SPAG8: variants seen among roughly 807,000 people sequenced by gnomAD.
SPAG8 encodes sperm-associated antigen 8.
Under a neutral mutation model 45.3 loss-of-function variants are expected in SPAG8, and 36 were observed. The observed-to-expected ratio is 0.80, with a 90% CI of 0.61 to 1.05. SPAG8 has a LOEUF of 1.05. Ranked by LOEUF, SPAG8 falls within the 50% of genes least tolerant of loss-of-function variation. The pLI is 0.00. For synonymous variants in SPAG8, 227 were observed against 232.6 expected (o/e 0.98, Z 0.22); for missense variants, 573 against 609.2 (o/e 0.94, Z 0.63).
downstream of SPAG8, chr9:35,808,296 T>C: frequency 6.2e-7 from 1 of 1,608,566 alleles, no homozygotes; most frequent in East Asian, 2.2e-5. The surrounding 1 kb of genome is among the most constrained non-coding windows in gnomAD (Gnocchi z 4.0). Context: ...TTACTGAGTA[T>C]TCACCAGGTG....
rs746230326 is a variant in SPAG8 at position 35,812,181 on chromosome 9, C to G, written c.-34G>C. The G allele has an allele frequency of 2.5e-6, 4 of 1,599,550 alleles. No individual in the cohort carries two copies. Among genetic ancestry groups the G allele is most frequent in the Non-Finnish European group, 3.4e-6 (4 of 1,179,004 alleles). ...TCCAGCTACTGGGTTGCCATAGAGACAGCAAACAACTCCTGGAGCCTGCGC... is the reference window on the plus strand; with the variant it reads ...TCCAGCTACTGGGTTGCCATAGAGAGAGCAAACAACTCCTGGAGCCTGCGC... On this transcript the variant is annotated 5_prime_UTR_variant, in exon 1 of 7. Transcript: ENST00000396638.
Position 35,811,573 on chromosome 9 carries a change from C to T in SPAG8, c.473G>A (p.Gly158Asp). Residue 158 changes from glycine to aspartate, a missense_variant, in exon 2 of 7, where the codon GGC (glycine) becomes GAC (aspartate). Physicochemically the swap from Gly to Asp is moderately conservative, Grantham distance 94 (BLOSUM62 -1). Coordinates refer to ENST00000396638, the MANE Select transcript of SPAG8 (RefSeq NM_001039592.2). ...GCCACAGCCAGGACCAGAGCCAGAG[C>T]CAGAGCCATGGCCAGCACCTGAGCT... Reference protein sequence around the residue: ...GSSSGAGHGSGSGSGPGCGSV... With the variant: ...GSSSGAGHGSDSGSGPGCGSV... 6.2e-7 allele frequency: 1 copy of T among 1,613,336 alleles called. No homozygotes were observed. Among genetic ancestry groups the T allele is most frequent in the Non-Finnish European group, 8.5e-7 (1 of 1,179,590 alleles).
At position 35,811,656 on chromosome 9, in the gene SPAG8, G is replaced by A; in HGVS notation, c.390C>T (p.Asp130=). 1 of 1,614,198 alleles carries A rather than the reference G, an allele frequency of 6.2e-7. No individual in the cohort carries two copies. The highest frequency in any genetic ancestry group is 1.3e-5 in the African/African-American group (1 of 75,034). ...CIAQDTCTTT[D]HSSNPGPVPG... The stretch of plus-strand genomic sequence containing the variant: ...GAACAGGGCCAGGATTAGAACTATG[G>A]TCAGTTGTAGTGCAAGTGTCCTGAG... The change falls in exon 2 of 7, where the codon GAC becomes GAT. Residue 130 remains aspartate, a synonymous_variant. Transcript: ENST00000396638.
At chr9:35,808,671 G>C, downstream of SPAG8, 1 of 1,614,062 alleles carries the variant, frequency 6.2e-7, no homozygotes, top group African/African-American at 1.3e-5. The surrounding 1 kb of genome is among the most constrained non-coding windows in gnomAD (Gnocchi z 4.0). Flanking sequence ...GCTACGCATA[G>C]GGGTCCATAC....
rs761228912 is a variant in SPAG8 at position 35,810,952 on chromosome 9, G to T, written c.970C>A (p.Pro324Thr). Residue 324 changes from proline to threonine, a missense_variant, in exon 3 of 7, where the codon CCC becomes ACC. Transcript: ENST00000396638. ...RGLLTMQLKS[P>T]MPSSTTQKDS... The stretch of plus-strand genomic sequence containing the variant: ...TTCTGGGTGGTGCTGGAGGGCATGG[G>T]TGACTTTAGTTGCATAGTCAGCAGT... 3.7e-6 allele frequency: 6 copies of T among 1,614,112 alleles called. No individual in the cohort carries two copies. The highest frequency in any genetic ancestry group is 1.7e-5 in the Admixed American group (1 of 60,010).
chr9:35,808,107 G>A (rs898316658), downstream of SPAG8: 33 of 1,185,024 alleles, frequency 2.8e-5, no homozygotes, highest in Non-Finnish European at 4.0e-5. This position sits in a 1 kb window ranked among gnomAD's most constrained non-coding sequence, Gnocchi z 4.0. Context: ...AAAATCAAAT[G>A]CCTGCTTTCC....
chr9:35,812,260 G>A lies in SPAG8; in HGVS notation c.-113C>T, dbSNP rs768213050. 1.6e-6 allele frequency: 2 copies of A among 1,226,440 alleles called. No homozygotes were observed. Among genetic ancestry groups the A allele is most frequent in the Non-Finnish European group, 1.1e-6 (1 of 871,216 alleles). 76.0% of individuals were successfully genotyped at this position (1,226,440 alleles called of 1,614,324 possible). On this transcript the variant is annotated 5_prime_UTR_variant, in exon 1 of 7. Transcript: ENST00000396638. The stretch of plus-strand genomic sequence containing the variant: ...GGCGGTGGAGGCAAGTCCTCTGCGG[G>A]GCGGAAGTCTTCAGCCTAGTGCTGT...
chr9:35,810,125 C>T lies in SPAG8; in HGVS notation c.1271G>A (p.Ser424Asn), dbSNP rs771767856. ...IQRAPQLPGV[S>N]NIRTLDTPFR... is the part of the protein sequence containing the mutation. Reference sequence around the variant, plus strand: ...TGGTGTGTCCAATGTCCTGATGTTACTGACACCCTGGAGGAGTGCCAGGAT... The same window carrying T: ...TGGTGTGTCCAATGTCCTGATGTTATTGACACCCTGGAGGAGTGCCAGGAT... The change falls in exon 7 of 7, where the codon AGT becomes AAT. Residue 424 changes from serine to asparagine, a missense_variant. Ser to Asn is a conservative substitution (Grantham distance 46, BLOSUM62 1). Coordinates refer to ENST00000396638, the MANE Select transcript of SPAG8 (RefSeq NM_001039592.2). The T allele has an allele frequency of 7.5e-6, 12 of 1,610,550 alleles. No individual in the cohort carries two copies. The highest frequency in any genetic ancestry group is 1.0e-5 in the Non-Finnish European group (12 of 1,177,764).
intron 2 of SPAG8, 32 bp downstream of exon 2, chr9:35,811,150 C>G (rs1828770816): frequency 6.4e-7 from 1 of 1,556,066 alleles, no homozygotes; most frequent in African/African-American, 1.4e-5. Context: ...GGGCAGCCTT[C>G]AAGAAAAGGG....
intron 3 of SPAG8, 50 bp from the exon 4 acceptor site, chr9:35,810,732 G>A (rs1317511783): frequency 1.9e-6 from 3 of 1,610,668 alleles, no homozygotes; most frequent in Non-Finnish European, 2.5e-6. Context: ...TAAGAAGGAG[G>A]CCCAGAAGAA....
rs2132106368 is a variant in SPAG8 at position 35,809,802 on chromosome 9, AT to A, written c.*135del. On this transcript the variant is annotated 3_prime_UTR_variant, in exon 7 of 7. Coordinates refer to ENST00000396638, the MANE Select transcript of SPAG8 (RefSeq NM_001039592.2). The surrounding 1 kb of genome is among the most constrained non-coding windows in gnomAD (Gnocchi z 4.1). ...ACACAGTGACTCACAGAATCACTAA[AT>A]TAGCAGTCTTGGGATGAGAGAGAAC... The A allele has an allele frequency of 6.4e-7, 1 of 1,554,736 alleles. No homozygotes were observed. Among genetic ancestry groups the A allele is most frequent in the East Asian group, 2.2e-5 (1 of 44,644 alleles).
At position 35,810,093 on chromosome 9, in the gene SPAG8, T is replaced by C. The variant is rs191385095; in HGVS notation, c.1303A>G (p.Lys435Glu). Residue 435 changes from lysine (K) to glutamate (E), a missense_variant, in exon 7 of 7, where the codon AAG (lysine) becomes GAG (glutamate). Coordinates refer to ENST00000396638, the MANE Select transcript of SPAG8 (RefSeq NM_001039592.2). ...NIRTLDTPFR[K>E]NCSFSTPVPL... ...ACTGGTGTTGAGAAGCTGCAGTTCT[T>C]CCGGAATGGTGTGTCCAATGTCCTG... 4.1e-5 allele frequency: 66 copies of C among 1,612,516 alleles called. No homozygotes were observed. In the Middle Eastern group the frequency reaches 1.2e-3, roughly 28 times the overall value.
chr9:35,808,667 C>T, downstream of SPAG8: 1 of 1,614,124 alleles, frequency 6.2e-7, no homozygotes, highest in South Asian at 1.1e-5. The surrounding 1 kb of genome is among the most constrained non-coding windows in gnomAD (Gnocchi z 4.0). Flanking sequence ...TGAGGCTACG[C>T]ATAGGGGTCC....
rs776688420 is a variant in SPAG8, at chr9:35,811,347, C to G, written c.699G>C (p.Gln233His). Residue 233 changes from glutamine (Q) to histidine (H), a missense_variant, in exon 2 of 7, where the codon CAG (glutamine) becomes CAC (histidine). Coordinates refer to ENST00000396638, the MANE Select transcript of SPAG8 (RefSeq NM_001039592.2). Reference sequence around the variant, plus strand: ...GTTTCTGGGGCTCCCAGGGGCAGTGCTGACTCCAGGAGGTATAGTTAGGGA... The same window carrying G: ...GTTTCTGGGGCTCCCAGGGGCAGTGGTGACTCCAGGAGGTATAGTTAGGGA... ...DRVPNYTSWSQHCPWEPQKQP... is the reference protein window; with the variant it reads ...DRVPNYTSWSHHCPWEPQKQP... 2 of 1,614,164 alleles carry G rather than the reference C, an allele frequency of 1.2e-6. No homozygotes were observed. The highest frequency in any genetic ancestry group is 1.7e-6 in the Non-Finnish European group (2 of 1,180,026).
At position 35,810,524 on chromosome 9, in the gene SPAG8, G is replaced by A. The variant is rs780806765; in HGVS notation, c.1115C>T (p.Thr372Ile). The A allele has an allele frequency of 1.2e-5, 19 of 1,614,070 alleles. No homozygotes were observed. Among genetic ancestry groups the A allele is most frequent in the African/African-American group, 2.7e-5 (2 of 74,918 alleles). Residue 372 changes from threonine to isoleucine, a missense_variant, in exon 5 of 7, where the codon ACA (threonine) becomes ATA (isoleucine). Coordinates refer to ENST00000396638, the MANE Select transcript of SPAG8 (RefSeq NM_001039592.2). ...CKEVQAEQEPTRKLFEVESVT... is the reference protein window; with the variant it reads ...CKEVQAEQEPIRKLFEVESVT... ...AGACTCAACCTCGAAGAGCTTCCTT[G>A]TGGGTTCCTGTTCTGCCTGCACCTC...
Position 35,811,688 on chromosome 9 carries a change from A to C in SPAG8, c.358T>G (p.Cys120Gly). The part of the protein sequence containing the change: ...SLGFEPVYVS[C>G]IAQDTCTTTD... ...GTAGTGCAAGTGTCCTGAGCAATAC[A>C]GGAAACATAGACGGGCTCAAAGCCA... The change falls in exon 2 of 7, where the codon TGT becomes GGT. Residue 120 changes from cysteine to glycine, a missense_variant. Physicochemically the swap from Cys to Gly is radical, Grantham distance 159. Coordinates refer to ENST00000396638, the MANE Select transcript of SPAG8 (RefSeq NM_001039592.2). The C allele has an allele frequency of 1.9e-6, 3 of 1,614,246 alleles. No individual in the cohort carries two copies. The highest frequency in any genetic ancestry group is 2.5e-6 in the Non-Finnish European group (3 of 1,180,046).
downstream of SPAG8, chr9:35,809,506 A>C: frequency 6.2e-7 from 1 of 1,613,732 alleles, no homozygotes; most frequent in Non-Finnish European, 8.5e-7. The surrounding 1 kb of genome is among the most constrained non-coding windows in gnomAD (Gnocchi z 4.1). Context: ...GGCAATGGCC[A>C]CCATGTCTGC....
chr9:35,808,031 A>C, downstream of SPAG8: 2 of 674,302 alleles, frequency 3.0e-6, no homozygotes, highest in East Asian at 5.0e-5. This position sits in a 1 kb window ranked among gnomAD's most constrained non-coding sequence, Gnocchi z 4.0. Flanking sequence ...ATTTCCTAAA[A>C]ACTTCACTGT....
At position 35,812,235 on chromosome 9, in the gene SPAG8, G is replaced by A; in HGVS notation, c.-88C>T. ...AGTACAGCTGGGCGGACTTGCAGGT[G>A]GCGGTGGAGGCAAGTCCTCTGCGGG... On this transcript the variant is annotated 5_prime_UTR_variant, in exon 1 of 7. Coordinates refer to ENST00000396638, the MANE Select transcript of SPAG8 (RefSeq NM_001039592.2). 2.1e-6 allele frequency: 3 copies of A among 1,460,936 alleles called. No homozygotes were observed. The highest frequency in any genetic ancestry group is 2.4e-5 in the South Asian group (2 of 84,674). The allele number at this position is 1,460,936 out of a possible 1,614,324, so 90.5% of individuals were successfully genotyped here.
Sources: gnomAD v4.1 joint callset for allele counts on GRCh38, gnomAD v4.1.1 for gene constraint, Gnocchi (gnomAD v3.1) non-coding constraint, MANE v1.5 for transcripts, NCBI Gene and HGNC (gene_info 2026-07-23, HGNC 2026-07-21) for gene names.